ELMO1: variants seen among roughly 807,000 people sequenced by gnomAD.
ELMO1 encodes the protein engulfment and cell motility 1.
Under a neutral mutation model 98.9 loss-of-function variants are expected in ELMO1, and 26 were observed. That is an observed-to-expected ratio of 0.26 (90% CI 0.19 to 0.36). The LOEUF is 0.36. Ranked by LOEUF, ELMO1 falls within the 10% of genes least tolerant of loss-of-function variation. The pLI, the probability that ELMO1 is intolerant of heterozygous loss-of-function variation, is 1.00. For missense variants in ELMO1, 627 were observed against 935.2 expected (o/e 0.67, Z 4.30); for synonymous variants, 346 against 346.0 (o/e 1.00, Z 0.00).
At chr7:37,285,022 T>C (rs1797320944) in intron 4 of ELMO1, among the ~76,000 whole-genome samples, 1 of 152,214 alleles carries the variant, frequency 6.6e-6, no homozygotes, top group South Asian at 2.1e-4. Flanking sequence ...TACCAGGGAC[T>C]GCTTCAAAGC....
chr7:36,952,521 C>G (rs540619324), intron 16 of ELMO1, among the ~76,000 whole-genome samples: 2 of 152,182 alleles, frequency 1.3e-5, no homozygotes, highest in Non-Finnish European at 2.9e-5. Flanking sequence ...ATTAATAAGG[C>G]AGCACCTCCA....
intron 16 of ELMO1, among the ~76,000 whole-genome samples, chr7:36,917,030 T>C (rs1219128299): frequency 6.6e-6 from 1 of 152,226 alleles, no homozygotes; most frequent in Non-Finnish European, 1.5e-5. Flanking sequence ...CAGTGAAATC[T>C]GACTGATAGA....
chr7:37,431,203 G>T (rs964561442), intron 1 of ELMO1, among the ~76,000 whole-genome samples: 1 of 152,160 alleles, frequency 6.6e-6, no homozygotes, highest in Non-Finnish European at 1.5e-5. Context: ...CCGGCATGGT[G>T]GTGCATGTCT....
intron 14 of ELMO1, among the ~76,000 whole-genome samples, chr7:37,119,666 T>C (rs1261166847): frequency 6.6e-6 from 1 of 152,228 alleles, no homozygotes; most frequent in Non-Finnish European, 1.5e-5. Flanking sequence ...GAAATAGCCA[T>C]CTTTACTCAT....
chr7:37,084,096 G>A (rs1306450332), intron 15 of ELMO1, among the ~76,000 whole-genome samples: 1 of 152,058 alleles, frequency 6.6e-6, no homozygotes, highest in Admixed American at 6.6e-5. Flanking sequence ...TTTCCTCTTG[G>A]GGGAACATAC....
chr7:36,976,413 C>A (rs1420164784), intron 16 of ELMO1, among the ~76,000 whole-genome samples: 28 of 152,200 alleles, frequency 1.8e-4, no homozygotes, highest in Admixed American at 1.8e-3. Context: ...ACAGAAGGTG[C>A]TAATAAAACT....
intron 13 of ELMO1, among the ~76,000 whole-genome samples, chr7:37,142,143 C>A (rs1368807797): frequency 6.6e-6 from 1 of 152,182 alleles, no homozygotes; most frequent in Admixed American, 6.5e-5. Flanking sequence ...AAAAACCATT[C>A]CGCATGTCAA....
intron 16 of ELMO1, among the ~76,000 whole-genome samples, chr7:36,941,599 A>G (rs1787044018): frequency 6.6e-6 from 1 of 152,224 alleles, no homozygotes; most frequent in Non-Finnish European, 1.5e-5. Flanking sequence ...ACACCTATGA[A>G]TTTCTCAGTT....
At chr7:37,278,962 G>A (rs927593207) in intron 4 of ELMO1, among the ~76,000 whole-genome samples, 8 of 152,266 alleles carry the variant, frequency 5.3e-5, no homozygotes, top group East Asian at 1.9e-4. Context: ...AGCACTTTGG[G>A]AGGCCCAGGC....
intron 13 of ELMO1, among the ~76,000 whole-genome samples, chr7:37,164,358 A>T (rs1584746438): frequency 6.6e-6 from 1 of 151,840 alleles, no homozygotes; most frequent in South Asian, 2.1e-4. Flanking sequence ...CCCATTTGTC[A>T]ATTTTGGCTT....
chr7:37,098,686 C>T (rs1784487271), intron 14 of ELMO1, among the ~76,000 whole-genome samples: 1 of 152,180 alleles, frequency 6.6e-6, no homozygotes, highest in African/African-American at 2.4e-5. Context: ...GGAAACCATT[C>T]TGATTCTAAC....
chr7:36,891,780 C>A (rs1324020944), intron 17 of ELMO1, among the ~76,000 whole-genome samples: 1 of 152,186 alleles, frequency 6.6e-6, no homozygotes, highest in Non-Finnish European at 1.5e-5. Flanking sequence ...GCTTACAGAG[C>A]CACATTTGTA....
intron 16 of ELMO1, among the ~76,000 whole-genome samples, chr7:36,913,200 T>C (rs1162364735): frequency 1.3e-5 from 2 of 152,218 alleles, no homozygotes; most frequent in Non-Finnish European, 2.9e-5. Context: ...ACTGGGTTCC[T>C]CAAGGGAAAC....
intron 1 of ELMO1, among the ~76,000 whole-genome samples, chr7:37,352,466 G>A (rs760146448): frequency 5.3e-5 from 8 of 152,188 alleles, no homozygotes. Flanking sequence ...CGTAACACGT[G>A]TTCTGTGAAA....
At chr7:37,100,872 A>T (rs1392340289) in intron 14 of ELMO1, among the ~76,000 whole-genome samples, 2 of 152,256 alleles carry the variant, frequency 1.3e-5, no homozygotes, top group African/African-American at 2.4e-5. Context: ...GCCGCCAACT[A>T]GGATGAACTT....
intron 4 of ELMO1, among the ~76,000 whole-genome samples, chr7:37,276,449 A>G (rs1258809938): frequency 6.6e-6 from 1 of 152,070 alleles, no homozygotes. Flanking sequence ...TCTACCAAAA[A>G]TACAAAAAAA....
intron 13 of ELMO1, among the ~76,000 whole-genome samples, chr7:37,184,782 C>G (rs1205424806): frequency 1.3e-5 from 2 of 151,774 alleles, no homozygotes; most frequent in African/African-American, 4.8e-5. Context: ...GGTGTGGTGG[C>G]ATGTTACTCA....
At chr7:37,364,889 C>T (rs961911029) in intron 1 of ELMO1, among the ~76,000 whole-genome samples, 9 of 152,194 alleles carry the variant, frequency 5.9e-5, no homozygotes, top group African/African-American at 2.2e-4. Flanking sequence ...TGTGCCAAGG[C>T]ACTTGGAACC....
chr7:36,957,506 A>G (rs1043706354), intron 16 of ELMO1, among the ~76,000 whole-genome samples: 15 of 152,272 alleles, frequency 9.9e-5, no homozygotes, highest in African/African-American at 3.6e-4. Flanking sequence ...TAGTAACTTC[A>G]ATATCCTCAC....
Sources: gnomAD v4.1 joint callset for allele counts (sites outside exome capture counted in the v4.1 genomes callset) on GRCh38, gnomAD v4.1.1 for gene constraint, MANE v1.5 for transcripts, NCBI Gene and HGNC (gene_info 2026-07-23, HGNC 2026-07-21) for gene names.